CARM1: variants seen among roughly 807,000 people sequenced by gnomAD.
CARM1 encodes coactivator associated arginine methyltransferase 1, also known as histone-arginine methyltransferase CARM1.
CARM1 carries 14 observed loss-of-function variants against 72.7 expected under a neutral mutation model. The observed-to-expected ratio is 0.19, with a 90% CI of 0.13 to 0.30. The LOEUF is 0.30. Ranked by LOEUF, CARM1 falls within the 10% of genes least tolerant of loss-of-function variation. The probability of loss-of-function intolerance (pLI) is 1.00; values close to 1 mark genes in which losing one functional copy is unlikely to be tolerated. For synonymous variants in CARM1, 333 were observed against 345.5 expected (o/e 0.96, Z 0.40); for missense variants, 432 against 833.7 (o/e 0.52, Z 5.93).
At chr19:10,903,264 T>C (rs1021216834) in intron 1 of CARM1, among the ~76,000 whole-genome samples, 6 of 152,234 alleles carry the variant, frequency 3.9e-5, no homozygotes, top group Admixed American at 3.3e-4. Flanking sequence ...TTCATTACTG[T>C]ACCTTCGTAG....
At chr19:10,880,557 T>C (rs1259548349) in intron 1 of CARM1, among the ~76,000 whole-genome samples, 2 of 150,214 alleles carry the variant, frequency 1.3e-5, no homozygotes, top group Non-Finnish European at 3.0e-5. Context: ...TCTCACTATG[T>C]TGCTCAGGCG....
At chr19:10,918,651 T>G (rs944862350) in intron 8 of CARM1, among the ~76,000 whole-genome samples, 1 of 152,184 alleles carries the variant, frequency 6.6e-6, no homozygotes, top group African/African-American at 2.4e-5. Flanking sequence ...CCTCCTGCAC[T>G]TATTTCCCTT....
intron 1 of CARM1, among the ~76,000 whole-genome samples, chr19:10,892,783 A>C (rs967767866): frequency 1.3e-5 from 2 of 152,162 alleles, no homozygotes; most frequent in Non-Finnish European, 2.9e-5. Flanking sequence ...CCCAGGCTGG[A>C]GTGCTATGGC....
chr19:10,871,637 G>GGCGGCGGCGGCGGCGGCGGCGGCGGCA lies in CARM1; in HGVS notation c.-64_-63insGGCGGCGGCGGCGGCGGCGGCGGCAGC, dbSNP rs1229015115. On this transcript the variant is annotated 5_prime_UTR_variant, in exon 1 of 16. Transcript: ENST00000327064. This position sits in a 1 kb window ranked among gnomAD's most constrained non-coding sequence, Gnocchi z 5.6. The stretch of plus-strand genomic sequence containing the variant: ...CGGCGGCGGCGGCGGCGGCGGCGGC[G>GGCGGCGGCGGCGGCGGCGGCGGCGGCA]GCAGCGGCGGCGGCCTGGGCCCGGG... 1.8e-5 allele frequency: 3 copies of GGCGGCGGCGGCGGCGGCGGCGGCGGCA among 164,150 alleles called. No individual in the cohort carries two copies. Among genetic ancestry groups the GGCGGCGGCGGCGGCGGCGGCGGCGGCA allele is most frequent in the African/African-American group, 1.2e-4 (3 of 26,008 alleles). The allele number at this position is 164,150 out of a possible 1,614,324, so 10.2% of individuals were successfully genotyped here. A position where few individuals can be genotyped will look rare whatever the true frequency, so the allele number is the denominator to read the frequency against.
rs73009557 is a variant in CARM1, at chr19:10,912,691, G to A, written c.669+397G>A. ...AGAGCTATTCCGTGAGCGTCCTCTC[G>A]CACCAGTGGAGGCTGCACCCTCCAT... On this transcript the variant is annotated intron_variant, in intron 5 of 15. Coordinates refer to ENST00000327064, the MANE Select transcript of CARM1 (RefSeq NM_199141.2). This position sits in a 1 kb window ranked among gnomAD's most constrained non-coding sequence, Gnocchi z 4.5. Among the ~76,000 whole-genome samples, 2,631 of 151,922 alleles carry A rather than the reference G, an allele frequency of 0.017. 42 individuals are homozygous for A. Among genetic ancestry groups the A allele is most frequent in the Middle Eastern group, 0.034 (10 of 292 alleles).
chr19:10,894,683 T>C (rs1308930828), intron 1 of CARM1, among the ~76,000 whole-genome samples: 1 of 151,644 alleles, frequency 6.6e-6, no homozygotes, highest in Non-Finnish European at 1.5e-5. Flanking sequence ...CCCGAGCTGC[T>C]GCTGCTTTTC....
Position 10,920,887 on chromosome 19 carries a change from C to T in CARM1, c.1478C>T (p.Ser493Leu), listed in dbSNP as rs761260188. ...PPPGSHYTSPSENMWNTGSTY... is the reference protein window; with the variant it reads ...PPPGSHYTSPLENMWNTGSTY... ...CCCGGCTCCCACTACACATCTCCCT[C>T]GGAAAACATGTGGAACACGGGCAGC... Residue 493 changes from serine to leucine, a missense_variant, in exon 13 of 16, where the codon TCG becomes TTG. By Grantham distance (145) the Ser-to-Leu change is moderately radical. Transcript: ENST00000327064. This position sits in a 1 kb window ranked among gnomAD's most constrained non-coding sequence, Gnocchi z 5.3. The T allele has an allele frequency of 4.3e-6, 7 of 1,614,236 alleles. 1 individual carries two copies. The highest frequency in any genetic ancestry group is 2.2e-5 in the South Asian group (2 of 91,080).
intron 1 of CARM1, among the ~76,000 whole-genome samples, chr19:10,883,134 T>C (rs1179433765): frequency 6.6e-6 from 1 of 152,176 alleles, no homozygotes; most frequent in Non-Finnish European, 1.5e-5. Flanking sequence ...GAGCCTCACC[T>C]TGGGACCTTG....
At chr19:10,895,181 T>C (rs1300843919) in intron 1 of CARM1, among the ~76,000 whole-genome samples, 1 of 152,190 alleles carries the variant, frequency 6.6e-6, no homozygotes, top group African/African-American at 2.4e-5. Flanking sequence ...TTCTGCTCAC[T>C]GCAACCTCCG....
At chr19:10,876,223 A>C (rs1568344569) in intron 1 of CARM1, among the ~76,000 whole-genome samples, 1 of 151,870 alleles carries the variant, frequency 6.6e-6, no homozygotes, top group East Asian at 1.9e-4. Flanking sequence ...ATGCGGTCTC[A>C]CTATTTTGCC....
At position 10,919,958 on chromosome 19, in the gene CARM1, C is replaced by T. The variant is rs1320117154; in HGVS notation, c.1188C>T (p.Ile396=). The T allele has an allele frequency of 4.3e-6, 7 of 1,613,366 alleles. No homozygotes were observed. The highest frequency in any genetic ancestry group is 1.7e-5 in the Admixed American group (1 of 59,998). ...GLAFWFDVAF[I]GSIMTVWLST... is the part of the protein sequence containing the mutation. ...CTTTCTGGTTTGACGTTGCTTTCAT[C>T]GGCTCCATGTGAGTGCCGCAGAGCA... Residue 396 remains isoleucine (I), a synonymous_variant, in exon 10 of 16, where the codon ATC becomes ATT. Coordinates refer to ENST00000327064, the MANE Select transcript of CARM1 (RefSeq NM_199141.2).
chr19:10,888,926 G>C (rs1054442054), intron 1 of CARM1, among the ~76,000 whole-genome samples: 1 of 152,304 alleles, frequency 6.6e-6, no homozygotes. Context: ...TCACCCACAG[G>C]TCAGGACTAC....
intron 1 of CARM1, among the ~76,000 whole-genome samples, chr19:10,901,128 A>G (rs1276844375): frequency 1.3e-5 from 2 of 151,674 alleles, no homozygotes; most frequent in Non-Finnish European, 2.9e-5. Flanking sequence ...GACTACAGGC[A>G]CCCACCATCA....
intron 1 of CARM1, among the ~76,000 whole-genome samples, chr19:10,884,713 A>T (rs575741701): frequency 9.4e-4 from 142 of 150,996 alleles, no homozygotes; most frequent in African/African-American, 3.3e-3. Flanking sequence ...TTATTTTATT[A>T]TTTTTTTTTG....
At chr19:10,887,697 C>A (rs1042042121) in intron 1 of CARM1, among the ~76,000 whole-genome samples, 1 of 152,236 alleles carries the variant, frequency 6.6e-6, no homozygotes, top group African/African-American at 2.4e-5. Flanking sequence ...TCTGCCTTGG[C>A]CTCCCAAAGC....
At chr19:10,919,293 C>T (rs931761704) in intron 8 of CARM1, 3 of 320,198 alleles carry the variant, frequency 9.4e-6, no homozygotes, top group East Asian at 5.6e-5. Flanking sequence ...TCCAGTGTGT[C>T]GCTACCACGG....
At chr19:10,903,730 A>C (rs950306605) in intron 1 of CARM1, among the ~76,000 whole-genome samples, 1 of 151,918 alleles carries the variant, frequency 6.6e-6, no homozygotes, top group Non-Finnish European at 1.5e-5. Context: ...CCAGCTCCCC[A>C]GTTGTCCTTT....
At chr19:10,881,400 G>A (rs2073901316) in intron 1 of CARM1, among the ~76,000 whole-genome samples, 1 of 152,192 alleles carries the variant, frequency 6.6e-6, no homozygotes, top group South Asian at 2.1e-4. Context: ...ACCTGATTGG[G>A]GAGTGGAGTC....
At chr19:10,921,349 C>A in intron 14 of CARM1, 26 bp from the exon 15 acceptor site, 2 of 1,610,082 alleles carry the variant, frequency 1.2e-6, no homozygotes, top group Non-Finnish European at 1.7e-6. Context: ...GTCTCCCTTC[C>A]TTCTTTCCTC....
Sources: gnomAD v4.1 joint callset for allele counts (sites outside exome capture counted in the v4.1 genomes callset) on GRCh38, gnomAD v4.1.1 for gene constraint, Gnocchi (gnomAD v3.1) non-coding constraint, MANE v1.5 for transcripts, NCBI Gene and HGNC (gene_info 2026-07-23, HGNC 2026-07-21) for gene names.